ZNF526: variants seen among roughly 807,000 people sequenced by gnomAD.
ZNF526 encodes zinc finger protein 526.
Under a neutral mutation model 32.4 loss-of-function variants are expected in ZNF526, and 16 were observed. The ratio of observed to expected loss-of-function variants is 0.49; its 90% CI spans 0.33 to 0.75. The LOEUF (loss-of-function observed/expected upper bound fraction) is 0.75, where lower values mean the gene tolerates loss of function less well. Among genes scored for constraint, ZNF526 ranks in the 30% least tolerant of loss-of-function variants. The probability of loss-of-function intolerance (pLI) is 0.02; values close to 1 mark genes in which losing one functional copy is unlikely to be tolerated. For synonymous variants in ZNF526, 355 were observed against 363.4 expected, an observed-to-expected ratio of 0.98 and a Z score of 0.26; for missense variants, 838 against 920.7, an observed-to-expected ratio of 0.91 and a Z score of 1.16.
chr19:42,225,872 A>C lies in ZNF526; in HGVS notation c.1469A>C (p.His490Pro). ...AAGAAGCTGATCCACGTGCGCAACC[A>C]CCTGCGGACACACACGGGTGAGAGG... Reference protein sequence around the residue: ...GFKKLIHVRNHLRTHTGERPF... With the variant: ...GFKKLIHVRNPLRTHTGERPF... Residue 490 changes from histidine to proline, a missense_variant, in exon 3 of 3, where the codon CAC becomes CCC. By Grantham distance (77) the His-to-Pro change is moderately conservative. Coordinates refer to ENST00000301215, the MANE Select transcript of ZNF526 (RefSeq NM_133444.3). 6.2e-7 allele frequency: 1 copy of C among 1,614,174 alleles called. No individual in the cohort carries two copies.
chr19:42,224,152 C>CT (rs1363889954), intron 1 of ZNF526, 63 bp from the exon 2 acceptor site: 1 of 474,484 alleles, frequency 2.1e-6, no homozygotes, highest in African/African-American at 2.1e-5. Context: ...GACCAAGTCT[C>CT]TGTCTCAGAA....
Position 42,227,554 on chromosome 19 carries a change from C to G in ZNF526, c.*1138C>G, listed in dbSNP as rs1457119269. 6.1e-6 allele frequency: 1 copy of G among 163,122 alleles called. No individual in the cohort carries two copies. The highest frequency in any genetic ancestry group is 6.6e-5 in the Admixed American group (1 of 15,262). The allele number at this position is 163,122 out of a possible 1,614,324, so 10.1% of individuals were successfully genotyped here. ...CGGGCAGATCACGAGGTCAGGAGAT[C>G]GAGACCATCCTGGCTAACACGGTGA... On this transcript the variant is annotated 3_prime_UTR_variant, in exon 3 of 3. Transcript: ENST00000301215.
At chr19:42,223,393 G>A (rs1157816533) in intron 1 of ZNF526, among the ~76,000 whole-genome samples, 1 of 152,222 alleles carries the variant, frequency 6.6e-6, no homozygotes, top group African/African-American at 2.4e-5. Context: ...TGTAATCCCA[G>A]CACTTTGGGA....
chr19:42,225,691 A>ACCCCCCCCCCCC lies in ZNF526; in HGVS notation c.1292_1293insCCCCCCCCCCCC (p.Pro433_Pro436dup). ...AGCTCCCCCAGCTCCAGCGGAGCCCACCCCTCCACCACCACCCCCTGCCCC... is the reference window on the plus strand; with the variant it reads ...AGCTCCCCCAGCTCCAGCGGAGCCCACCCCCCCCCCCCCCCCTCCACCACCACCCCCTGCCCC... On this transcript the variant is annotated inframe_insertion, in exon 3 of 3. Transcript: ENST00000301215. 1.0e-6 allele frequency: 1 copy of ACCCCCCCCCCCC among 1,000,104 alleles called. No homozygotes were observed. The highest frequency in any genetic ancestry group is 1.4e-6 in the Non-Finnish European group (1 of 707,320). The allele number at this position is 1,000,104 out of a possible 1,614,324, so 62.0% of individuals were successfully genotyped here.
chr19:42,226,487 C>A lies in ZNF526; in HGVS notation c.*71C>A. ...TGTGGGTACCTCTGGGGAGAGAGGACCTCCTCTGACAAACTGGTCTGGTAC... is the reference window on the plus strand; with the variant it reads ...TGTGGGTACCTCTGGGGAGAGAGGAACTCCTCTGACAAACTGGTCTGGTAC... On this transcript the variant is annotated 3_prime_UTR_variant, in exon 3 of 3. Transcript: ENST00000301215. The A allele has an allele frequency of 1.9e-6, 3 of 1,604,636 alleles. No individual in the cohort carries two copies. The highest frequency in any genetic ancestry group is 2.6e-6 in the Non-Finnish European group (3 of 1,172,692).
rs1399883369 is a variant in ZNF526, at chr19:42,225,492, A to G, written c.1089A>G (p.Val363=). 1 of 1,614,114 alleles carries G rather than the reference A, an allele frequency of 6.2e-7. No homozygotes were observed. The highest frequency in any genetic ancestry group is 1.7e-5 in the Admixed American group (1 of 60,034). The change falls in exon 3 of 3, where the codon GTA becomes GTG. Residue 363 remains valine (V), a synonymous_variant. Transcript: ENST00000301215. Reference sequence around the variant, plus strand: ...GCGGGGAAGCCCGCTACCTCTGTGTAGACTGTGGCCGCGGCTTTGGCACAG... The same window carrying G: ...GCGGGGAAGCCCGCTACCTCTGTGTGGACTGTGGCCGCGGCTTTGGCACAG... ...LHRGEARYLC[V]DCGRGFGTEL...
intron 1 of ZNF526, among the ~76,000 whole-genome samples, chr19:42,223,446 CCTGGCTAACACGGTGAAA>C (rs2036141168): frequency 6.6e-6 from 1 of 152,206 alleles, no homozygotes; most frequent in East Asian, 1.9e-4. Flanking sequence ...TTGAGATTGT[CCTGGCTAACACGGTGAAA>C]CCCTGTCTCT....
Position 42,225,250 on chromosome 19 carries a change from C to T in ZNF526, c.847C>T (p.Pro283Ser), listed in dbSNP as rs1407528120. The change falls in exon 3 of 3, where the codon CCC becomes TCC. Residue 283 changes from proline (P) to serine (S), a missense_variant. Physicochemically the swap from Pro to Ser is moderately conservative, Grantham distance 74 (BLOSUM62 -1). Transcript: ENST00000301215. ...CTGCGGGGACTGTCCCCAGCACCAG[C>T]CCTCAGCAGGGGCTCGCCGGCAACA... ...QGCGDCPQHQ[P>S]SAGARRQHRR... The T allele has an allele frequency of 6.2e-7, 1 of 1,613,992 alleles. No individual in the cohort carries two copies. Among genetic ancestry groups the T allele is most frequent in the Admixed American group, 1.7e-5 (1 of 60,016 alleles).
Position 42,225,198 on chromosome 19 carries a change from C to G in ZNF526, c.795C>G (p.Asp265Glu). The G allele has an allele frequency of 6.2e-7, 1 of 1,614,184 alleles. No individual in the cohort carries two copies. Among genetic ancestry groups the G allele is most frequent in the Non-Finnish European group, 8.5e-7 (1 of 1,180,016 alleles). The change falls in exon 3 of 3, where the codon GAC becomes GAG. Residue 265 changes from aspartate (D) to glutamate (E), a missense_variant. Physicochemically the swap from Asp to Glu is conservative, Grantham distance 45. Coordinates refer to ENST00000301215, the MANE Select transcript of ZNF526 (RefSeq NM_133444.3). ...AEVGDDAVGG[D>E]ESTAGWAQGC... ...TCGGTGATGATGCTGTGGGAGGTGA[C>G]GAGTCCACAGCTGGCTGGGCTCAGG... is the stretch of plus-strand genomic sequence containing the variant.
At chr19:42,223,053 A>AGGGC (rs2036137852) in intron 1 of ZNF526, among the ~76,000 whole-genome samples, 1 of 152,356 alleles carries the variant, frequency 6.6e-6, no homozygotes, top group Admixed American at 6.5e-5. Context: ...ATTCAAGCCA[A>AGGGC]GGGCAGTCTG....
chr19:42,225,560 C>G lies in ZNF526; in HGVS notation c.1157C>G (p.Pro386Arg). 1.2e-6 allele frequency: 2 copies of G among 1,609,826 alleles called. No homozygotes were observed. Among genetic ancestry groups the G allele is most frequent in the Non-Finnish European group, 1.7e-6 (2 of 1,176,656 alleles). ...CACCGGCGGGCCCACACTGCCAACCCATTGCATCGCTGTCGTTGCGGCAAG... is the reference window on the plus strand; with the variant it reads ...CACCGGCGGGCCCACACTGCCAACCGATTGCATCGCTGTCGTTGCGGCAAG... Reference protein sequence around the residue: ...VAHRRAHTANPLHRCRCGKTF... With the variant: ...VAHRRAHTANRLHRCRCGKTF... Residue 386 changes from proline to arginine, a missense_variant, in exon 3 of 3, where the codon CCA (proline) becomes CGA (arginine). By Grantham distance (103) the Pro-to-Arg change is moderately radical. Transcript: ENST00000301215.
chr19:42,220,870 A>G (rs559583856), intron 1 of ZNF526, among the ~76,000 whole-genome samples: 1 of 152,318 alleles, frequency 6.6e-6, no homozygotes, highest in Non-Finnish European at 1.5e-5. Flanking sequence ...TGCAGCAGGC[A>G]CTGGGCCTCG....
rs1468510912 is a variant in ZNF526, at chr19:42,224,271, G to C, written c.-52G>C. Reference sequence around the variant, plus strand: ...CATGGGATCACGGAAGACTGAAGCAGAAACAGTGGATTAAGACTTCCTGAG... The same window carrying C: ...CATGGGATCACGGAAGACTGAAGCACAAACAGTGGATTAAGACTTCCTGAG... On this transcript the variant is annotated 5_prime_UTR_variant, in exon 2 of 3. Transcript: ENST00000301215. 19 of 786,348 alleles carry C rather than the reference G, an allele frequency of 2.4e-5. No individual in the cohort carries two copies. The highest frequency in any genetic ancestry group is 3.9e-5 in the Non-Finnish European group (18 of 462,410). The allele number at this position is 786,348 out of a possible 1,614,324, so 48.7% of individuals were successfully genotyped here.
chr19:42,225,457 C>A lies in ZNF526; in HGVS notation c.1054C>A (p.Arg352=), dbSNP rs925921969. ...KKAASLEQHL[R]LHRGEARYLC... ...AGCAGCATCGCTTGAGCAGCACTTG[C>A]GGCTGCATCGCGGGGAAGCCCGCTA... Residue 352 remains arginine (R), a synonymous_variant, in exon 3 of 3, where the codon CGG becomes AGG. Transcript: ENST00000301215. 1.9e-6 allele frequency: 3 copies of A among 1,614,162 alleles called. No individual in the cohort carries two copies. Among genetic ancestry groups the A allele is most frequent in the South Asian group, 1.1e-5 (1 of 91,090 alleles).
At position 42,226,569 on chromosome 19, in the gene ZNF526, A is replaced by C; in HGVS notation, c.*153A>C. 2.1e-6 allele frequency: 2 copies of C among 958,854 alleles called. No individual in the cohort carries two copies. Among genetic ancestry groups the C allele is most frequent in the Non-Finnish European group, 1.6e-6 (1 of 607,802 alleles). The allele number at this position is 958,854 out of a possible 1,614,324, so 59.4% of individuals were successfully genotyped here. On this transcript the variant is annotated 3_prime_UTR_variant, in exon 3 of 3. Coordinates refer to ENST00000301215, the MANE Select transcript of ZNF526 (RefSeq NM_133444.3). The stretch of plus-strand genomic sequence containing the variant: ...TTTTACCCACTGACTCCCCAGAACA[A>C]CCCTTCCAGGCTTCTCTTGTCATCT...
chr19:42,221,153 C>A (rs886338616), intron 1 of ZNF526, among the ~76,000 whole-genome samples: 2 of 152,162 alleles, frequency 1.3e-5, no homozygotes, highest in African/African-American at 2.4e-5. Flanking sequence ...AATTCACAGT[C>A]TAATGGGGAA....
intron 1 of ZNF526, among the ~76,000 whole-genome samples, chr19:42,221,328 A>G (rs978279446): frequency 3.3e-5 from 5 of 151,920 alleles, no homozygotes; most frequent in African/African-American, 9.7e-5. Flanking sequence ...ACCTCTCTAC[A>G]AATAATTTAA....
chr19:42,227,410 T>G lies in ZNF526; in HGVS notation c.*994T>G, dbSNP rs1244544210. On this transcript the variant is annotated 3_prime_UTR_variant, in exon 3 of 3. Coordinates refer to ENST00000301215, the MANE Select transcript of ZNF526 (RefSeq NM_133444.3). Reference sequence around the variant, plus strand: ...ACCACACTTACCACTGTATGTGTACTATGATCCCAACAGGCTTGTGACATA... The same window carrying G: ...ACCACACTTACCACTGTATGTGTACGATGATCCCAACAGGCTTGTGACATA... The G allele has an allele frequency of 6.0e-6, 1 of 167,142 alleles. No individual in the cohort carries two copies. Among genetic ancestry groups the G allele is most frequent in the Non-Finnish European group, 1.5e-5 (1 of 68,132 alleles). The allele number at this position is 167,142 out of a possible 1,614,324, so 10.4% of individuals were successfully genotyped here.
chr19:42,224,998 T>C lies in ZNF526; in HGVS notation c.595T>C (p.Cys199Arg). The C allele has an allele frequency of 6.2e-7, 1 of 1,614,154 alleles. No individual in the cohort carries two copies. Among genetic ancestry groups the C allele is most frequent in the Non-Finnish European group, 8.5e-7 (1 of 1,180,022 alleles). The change falls in exon 3 of 3, where the codon TGT becomes CGT. Residue 199 changes from cysteine to arginine, a missense_variant. Transcript: ENST00000301215. ...CGAAGTCAAGATGGAGCCCTATGAG[T>C]GTCCTGAGTGCTCTACCCTCTGCGC... is the stretch of plus-strand genomic sequence containing the variant. ...PSEVKMEPYE[C>R]PECSTLCATP...
Sources: gnomAD v4.1 joint callset for allele counts (sites outside exome capture counted in the v4.1 genomes callset) on GRCh38, gnomAD v4.1.1 for gene constraint, MANE v1.5 for transcripts, NCBI Gene and HGNC (gene_info 2026-07-23, HGNC 2026-07-21) for gene names.